MAML3: variants seen among roughly 807,000 people sequenced by gnomAD.
The protein encoded by MAML3 is mastermind-like protein 3.
In MAML3, 27 loss-of-function variants were observed where a neutral mutation model predicts 101.9. That is an observed-to-expected ratio of 0.27 (90% CI 0.20 to 0.37). The LOEUF is 0.37. MAML3 is among the 10% of genes least tolerant of loss of function. The probability of loss-of-function intolerance (pLI) is 1.00; values close to 1 mark genes in which losing one functional copy is unlikely to be tolerated. For missense variants in MAML3, 1,316 were observed against 1,444.9 expected, an observed-to-expected ratio of 0.91 and a Z score of 1.45; for synonymous variants, 501 against 555.9, an observed-to-expected ratio of 0.90 and a Z score of 1.39.
chr4:140,051,889 C>G (rs897019970), intron 1 of MAML3, among the ~76,000 whole-genome samples: 3 of 152,118 alleles, frequency 2.0e-5, no homozygotes, highest in African/African-American at 4.8e-5. Context: ...ATTTAAAGCC[C>G]GTGACTTAGC....
At chr4:139,756,896 A>G (rs979722662) in intron 2 of MAML3, among the ~76,000 whole-genome samples, 1 of 152,110 alleles carries the variant, frequency 6.6e-6, no homozygotes, top group Admixed American at 6.5e-5. Flanking sequence ...ACATTGCAGG[A>G]CCTCATATGA....
chr4:139,969,977 A>G (rs915542049), intron 1 of MAML3, among the ~76,000 whole-genome samples: 10 of 152,214 alleles, frequency 6.6e-5, no homozygotes, highest in Non-Finnish European at 1.2e-4. Context: ...TGCCACTAAC[A>G]TCTGACCTTG....
At chr4:139,880,091 T>G (rs1336737581) in intron 2 of MAML3, among the ~76,000 whole-genome samples, 4 of 151,912 alleles carry the variant, frequency 2.6e-5, no homozygotes, top group Non-Finnish European at 5.9e-5. Context: ...GAGAATTGCT[T>G]GAACCCAGAA....
intron 2 of MAML3, among the ~76,000 whole-genome samples, chr4:139,873,109 A>G (rs1050961012): frequency 6.6e-6 from 1 of 152,116 alleles, no homozygotes; most frequent in African/African-American, 2.4e-5. Flanking sequence ...ATAAATAAAT[A>G]AATAATCACG....
At chr4:139,935,213 C>CTT (rs576839308) in intron 1 of MAML3, among the ~76,000 whole-genome samples, 19 of 130,970 alleles carry the variant, frequency 1.5e-4, no homozygotes, top group African/African-American at 3.1e-4. Flanking sequence ...CAAGACACCT[C>CTT]TTTTTTTTTT....
intron 2 of MAML3, among the ~76,000 whole-genome samples, chr4:139,787,450 T>C (rs1048993958): frequency 6.6e-6 from 1 of 152,204 alleles, no homozygotes; most frequent in Non-Finnish European, 1.5e-5. Context: ...CACACCTTCT[T>C]TTCCTTCTTC....
chr4:139,890,325 T>C lies in MAML3; in HGVS notation c.1111A>G (p.Met371Val), dbSNP rs773416311. The change falls in exon 2 of 5, where the codon ATG becomes GTG. Residue 371 changes from methionine (M) to valine (V), a missense_variant. Physicochemically the swap from Met to Val is conservative, Grantham distance 21. Coordinates refer to ENST00000509479, the MANE Select transcript of MAML3 (RefSeq NM_018717.5). This position sits in a 1 kb window ranked among gnomAD's most constrained non-coding sequence, Gnocchi z 4.1. ...GAAGGCCTCGCCTGGGGAGATCCCA[T>C]GGAGACATGTGCGAAGGGAGAGTGA... ...PSHSPFAHVS[M>V]GSPQARPSSS... 4.5e-5 allele frequency: 73 copies of C among 1,611,812 alleles called. No individual in the cohort carries two copies. Among genetic ancestry groups the C allele is most frequent in the Non-Finnish European group, 5.9e-5 (70 of 1,178,572 alleles).
chr4:139,725,493 T>TC (rs1728431411), intron 4 of MAML3, among the ~76,000 whole-genome samples: 1 of 152,188 alleles, frequency 6.6e-6, no homozygotes, highest in Non-Finnish European at 1.5e-5. Flanking sequence ...TAGTCCCAAC[T>TC]CCGACAGCTA....
chr4:139,963,064 C>T (rs1447508337), intron 1 of MAML3, among the ~76,000 whole-genome samples: 2 of 152,130 alleles, frequency 1.3e-5, no homozygotes, highest in Admixed American at 1.3e-4. Context: ...GAAGAAAGAG[C>T]TCTTCAGATC....
chr4:140,075,393 G>A (rs893528948), intron 1 of MAML3, among the ~76,000 whole-genome samples: 21 of 152,170 alleles, frequency 1.4e-4, no homozygotes, highest in African/African-American at 4.6e-4. Flanking sequence ...CAAGTCTCTT[G>A]TGCTCTTAAC....
intron 2 of MAML3, among the ~76,000 whole-genome samples, chr4:139,820,053 CAT>C (rs1245952193): frequency 1.3e-5 from 2 of 152,174 alleles, no homozygotes; most frequent in African/African-American, 4.8e-5. Context: ...CTCCCTTATC[CAT>C]ATGACTGCCA....
chr4:139,910,918 A>G (rs1269537410), intron 1 of MAML3, among the ~76,000 whole-genome samples: 2 of 152,310 alleles, frequency 1.3e-5, no homozygotes, highest in South Asian at 2.1e-4. Context: ...CATCTTAGCC[A>G]TTTCTAAGTG....
chr4:139,746,646 T>C lies in MAML3; in HGVS notation c.2080-15979A>G, dbSNP rs1311938267. Among the ~76,000 whole-genome samples, 6 of 152,118 alleles carry C rather than the reference T, an allele frequency of 3.9e-5. 1 individual carries two copies. Among genetic ancestry groups the C allele is most frequent in the Non-Finnish European group, 7.3e-5 (5 of 68,028 alleles). ...TTGCCATGGTCTTTCCCACAGTATC[T>C]AAAGGAACAAGATTCCGCAGACGTT... On this transcript the variant is annotated intron_variant, in intron 2 of 4. Coordinates refer to ENST00000509479, the MANE Select transcript of MAML3 (RefSeq NM_018717.5).
At chr4:139,840,033 C>T (rs1044520409) in intron 2 of MAML3, among the ~76,000 whole-genome samples, 8 of 152,176 alleles carry the variant, frequency 5.3e-5, no homozygotes, top group African/African-American at 7.2e-5. Context: ...GATAGAAAAA[C>T]GTCTTCTGTA....
intron 1 of MAML3, among the ~76,000 whole-genome samples, chr4:140,006,225 G>A (rs1004970414): frequency 6.6e-6 from 1 of 152,102 alleles, no homozygotes; most frequent in Non-Finnish European, 1.5e-5. Context: ...AGGAAGAAAG[G>A]GAGTGGAAGG....
Position 139,793,026 on chromosome 4 carries a change from G to A in MAML3, c.2080-62359C>T, listed in dbSNP as rs190583489. 8.5e-5 allele frequency among the ~76,000 whole-genome samples: 13 copies of A among 152,262 alleles called. No individual in the cohort carries two copies. The East Asian group carries it at 1.2e-3, about 14-fold the overall frequency. The stretch of plus-strand genomic sequence containing the variant: ...CTCCCAAAGTGCTGGGATTACAGGC[G>A]TGAGACACCGCGCCCGGCAGAACTG... On this transcript the variant is annotated intron_variant, in intron 2 of 4. Coordinates refer to ENST00000509479, the MANE Select transcript of MAML3 (RefSeq NM_018717.5).
At chr4:140,052,119 A>G (rs1727278472) in intron 1 of MAML3, among the ~76,000 whole-genome samples, 1 of 152,234 alleles carries the variant, frequency 6.6e-6, no homozygotes, top group East Asian at 1.9e-4. Flanking sequence ...GGGAGGCTTA[A>G]GTAAAACCTA....
At chr4:140,018,178 C>A (rs1025116194) in intron 1 of MAML3, among the ~76,000 whole-genome samples, 1 of 152,058 alleles carries the variant, frequency 6.6e-6, no homozygotes, top group Non-Finnish European at 1.5e-5. Context: ...CTAATTTAAA[C>A]CTCTGGGTGC....
Position 140,152,798 on chromosome 4 carries a change from G to A in MAML3, c.468+62C>T, listed in dbSNP as rs564603717. ...TACCCCCATGTAAGAAGCTCCACGC[G>A]CCCCCCACCACCACCACCACCCCCA... On this transcript the variant is annotated intron_variant, in intron 1 of 4. Coordinates refer to ENST00000509479, the MANE Select transcript of MAML3 (RefSeq NM_018717.5). 190 of 1,555,854 alleles carry A rather than the reference G, an allele frequency of 1.2e-4. No homozygotes were observed. The African/African-American group carries it at 2.2e-3, about 18-fold the overall frequency.
Sources: allele counts gnomAD v4.1 joint callset (sites outside exome capture counted in the v4.1 genomes callset), GRCh38; gene constraint gnomAD v4.1.1; non-coding constraint Gnocchi (gnomAD v3.1); transcripts MANE v1.5; gene names NCBI Gene and HGNC (gene_info 2026-07-23, HGNC 2026-07-21).